Variants in INTS7 observed in about 807,000 individuals in gnomAD.
INTS7 encodes the protein chromosome 1 open reading frame 73.
In INTS7, 46 loss-of-function variants were observed where a neutral mutation model predicts 109.2. The observed-to-expected ratio is 0.42, with a 90% confidence interval of 0.33 to 0.54. The LOEUF is 0.54. Among genes scored for constraint, INTS7 ranks in the 20% least tolerant of loss-of-function variants. The probability of loss-of-function intolerance (pLI) is 0.07; values close to 1 mark genes in which losing one functional copy is unlikely to be tolerated. For synonymous variants in INTS7, 412 were observed against 402.9 expected (o/e 1.02, Z -0.27); for missense variants, 929 against 1,132.4 (o/e 0.82, Z 2.58).
chr1:211,974,308 TAAAATACTTCAAA>T (rs1664322756), intron 13 of INTS7, among the ~76,000 whole-genome samples: 4 of 143,726 alleles, frequency 2.8e-5, no homozygotes, highest in Non-Finnish European at 4.6e-5. Context: ...TATATATATA[TAAAATACTTCAAA>T]ATATATGTGC....
intron 7 of INTS7, among the ~76,000 whole-genome samples, chr1:211,994,591 T>G (rs967229861): frequency 9.9e-5 from 15 of 151,718 alleles, no homozygotes; most frequent in African/African-American, 3.6e-4. Context: ...ACCCAGTTAC[T>G]TTTTGTAGTT....
intron 16 of INTS7, among the ~76,000 whole-genome samples, chr1:211,962,523 T>C (rs1663682187): frequency 6.6e-6 from 1 of 152,150 alleles, no homozygotes. Context: ...CTGGATCAAA[T>C]GGACCTGATA....
intron 4 of INTS7, among the ~76,000 whole-genome samples, chr1:212,013,788 G>C (rs115965470): frequency 6.6e-6 from 1 of 152,178 alleles, no homozygotes; most frequent in South Asian, 2.1e-4. Flanking sequence ...GAAACATGCT[G>C]TACAGGTTTA....
chr1:211,968,734 T>G, intron 13 of INTS7, 27 bp from the exon 14 acceptor site: 1 of 1,557,132 alleles, frequency 6.4e-7, no homozygotes. Flanking sequence ...AAAGAGATAT[T>G]TAAGACAAAG....
intron 5 of INTS7, among the ~76,000 whole-genome samples, chr1:212,010,413 T>C (rs1666117184): frequency 6.6e-6 from 1 of 152,182 alleles, no homozygotes; most frequent in Non-Finnish European, 1.5e-5. Flanking sequence ...CAGGGCTTTG[T>C]AGTCTATGGT....
rs371150283 is a variant in INTS7, at chr1:211,979,717, G to T, written c.1231-1206C>A. 3.9e-5 allele frequency among the ~76,000 whole-genome samples: 6 copies of T among 152,058 alleles called. No homozygotes were observed. The East Asian group carries it at 9.6e-4, about 24-fold the overall frequency. On this transcript the variant is annotated intron_variant, in intron 10 of 19. Transcript: ENST00000366994. The stretch of plus-strand genomic sequence containing the variant: ...TAGTCACCATTCTTCCACCACAACA[G>T]GTACATTCTTACTTTCAAGTCTTTT...
chr1:212,020,939 T>C (rs1666664736), intron 2 of INTS7, 144 bp downstream of exon 2: 2 of 726,562 alleles, frequency 2.8e-6, no homozygotes, highest in Admixed American at 3.3e-5. Context: ...AATCTCACAC[T>C]GATGTGCTGC....
chr1:212,006,032 C>T (rs1171496271), intron 7 of INTS7, among the ~76,000 whole-genome samples: 1 of 152,046 alleles, frequency 6.6e-6, no homozygotes, highest in African/African-American at 2.4e-5. Context: ...TTTTAAATAG[C>T]ATTATTTGCA....
At chr1:212,003,078 G>C (rs939445010) in intron 7 of INTS7, among the ~76,000 whole-genome samples, 1 of 152,112 alleles carries the variant, frequency 6.6e-6, no homozygotes, top group African/African-American at 2.4e-5. Flanking sequence ...ATTAACGGGA[G>C]AAGGGTTATC....
At chr1:211,983,020 C>CT (rs1664732420) in intron 8 of INTS7, among the ~76,000 whole-genome samples, 2 of 152,038 alleles carry the variant, frequency 1.3e-5, no homozygotes, top group Admixed American at 1.3e-4. Flanking sequence ...TTCGTAATGA[C>CT]TAAGATCTAA....
chr1:211,943,106 C>T (rs1662705394), intron 19 of INTS7, among the ~76,000 whole-genome samples: 1 of 151,966 alleles, frequency 6.6e-6, no homozygotes. Context: ...AGCCTTTGTA[C>T]AGTTTTTATT....
intron 4 of INTS7, among the ~76,000 whole-genome samples, chr1:212,014,125 T>C (rs1461592139): frequency 6.6e-6 from 1 of 152,128 alleles, no homozygotes; most frequent in African/African-American, 2.4e-5. Flanking sequence ...CTTTCTATTA[T>C]CTACTTTTTC....
intron 1 of INTS7, among the ~76,000 whole-genome samples, chr1:212,034,048 A>T (rs1667298305): frequency 6.6e-6 from 1 of 152,012 alleles, no homozygotes; most frequent in Admixed American, 6.6e-5. Flanking sequence ...GCGCCACTGC[A>T]CTCTAGCCTG....
Position 212,006,811 on chromosome 1 carries a change from C to T in INTS7, c.757-50G>A, listed in dbSNP as rs745795375. The stretch of plus-strand genomic sequence containing the variant: ...TAAACAATACTGTAACTGAAATGAT[C>T]ATTAGAAATGCAGTGTAGTTTAGTG... On this transcript the variant is annotated intron_variant, in intron 6 of 19. Transcript: ENST00000366994. The T allele has an allele frequency of 3.4e-6, 5 of 1,456,814 alleles. No individual in the cohort carries two copies. In the Admixed American group the frequency reaches 9.6e-5, roughly 28 times the overall value. 90.2% of individuals were successfully genotyped at this position (1,456,814 alleles called of 1,614,324 possible). A position where few individuals can be genotyped will look rare whatever the true frequency, so the allele number is the denominator to read the frequency against.
Position 211,967,953 on chromosome 1 carries a change from C to T in INTS7, c.2039G>A (p.Ser680Asn), listed in dbSNP as rs753512373. 6.2e-7 allele frequency: 1 copy of T among 1,600,794 alleles called. No homozygotes were observed. Among genetic ancestry groups the T allele is most frequent in the South Asian group, 1.1e-5 (1 of 90,016 alleles). The part of the protein sequence containing the change: ...QMKQSMEEFR[S>N]LASRYGDLYQ... ...AAGATCTCCATATCGAGAAGCAAGGCTTCGAAATTCTTCCATGGACTGTTT... is the reference window on the plus strand; with the variant it reads ...AAGATCTCCATATCGAGAAGCAAGGTTTCGAAATTCTTCCATGGACTGTTT... Residue 680 changes from serine (S) to asparagine (N), a missense_variant, in exon 15 of 20, where the codon AGC becomes AAC. Around this residue, in one of 2 missense-constraint regions of INTS7, gnomAD observed 787 missense variants for 901.1 expected, o/e 0.87. Transcript: ENST00000366994.
intron 4 of INTS7, among the ~76,000 whole-genome samples, chr1:212,013,222 T>C (rs1355655931): frequency 6.6e-6 from 1 of 152,194 alleles, no homozygotes; most frequent in Non-Finnish European, 1.5e-5. Context: ...GGTCTCACTA[T>C]GTTGCCTAGG....
intron 7 of INTS7, among the ~76,000 whole-genome samples, chr1:212,003,354 T>C (rs1295461199): frequency 2.7e-5 from 4 of 145,496 alleles, no homozygotes; most frequent in African/African-American, 1.0e-4. Flanking sequence ...TATTTTTCAG[T>C]GGCAATAAAG....
At chr1:211,947,050 C>T (rs112913961) in intron 17 of INTS7, among the ~76,000 whole-genome samples, 1 of 152,160 alleles carries the variant, frequency 6.6e-6, no homozygotes, top group African/African-American at 2.4e-5. Flanking sequence ...GAGTAACTAT[C>T]ACATGGCAAA....
chr1:211,960,145 T>C (rs986940292), intron 16 of INTS7, among the ~76,000 whole-genome samples: 5 of 152,134 alleles, frequency 3.3e-5, no homozygotes, highest in African/African-American at 1.2e-4. Flanking sequence ...GAGAACAAAG[T>C]TGAGGCTCAT....
Sources: gnomAD v4.1 joint callset for allele counts (sites outside exome capture counted in the v4.1 genomes callset) on GRCh38, gnomAD v4.1.1 for gene constraint, gnomAD v4.1.1 regional missense constraint, MANE v1.5 for transcripts, NCBI Gene and HGNC (gene_info 2026-07-23, HGNC 2026-07-21) for gene names.